NCS1: variants seen among roughly 807,000 people sequenced by gnomAD.
NCS1 encodes the protein frequenin homolog.
NCS1 carries 6 observed loss-of-function variants against 28.4 expected under a neutral mutation model. The ratio of observed to expected loss-of-function variants is 0.21; its 90% CI spans 0.12 to 0.42. The LOEUF (loss-of-function observed/expected upper bound fraction) is 0.42. Ranked by LOEUF, NCS1 falls within the 10% of genes least tolerant of loss-of-function variation. The pLI is 1.00. For missense variants in NCS1, 131 were observed against 241.4 expected (o/e 0.54, Z 3.03); for synonymous variants, 86 against 99.3 (o/e 0.87, Z 0.79).
chr9:130,223,285 C>T (rs1554910887), intron 6 of NCS1, 126 bp downstream of exon 6: 18 of 794,900 alleles, frequency 2.3e-5, no homozygotes, highest in South Asian at 4.9e-5. Context: ...GCAGGCGGCA[C>T]GGTGTCCTAT....
intron 1 of NCS1, among the ~76,000 whole-genome samples, chr9:130,176,003 G>C (rs1832558348): frequency 6.6e-6 from 1 of 152,194 alleles, no homozygotes; most frequent in Admixed American, 6.5e-5. Flanking sequence ...TGCAAAATAG[G>C]TGTGCTCATG....
intron 2 of NCS1, among the ~76,000 whole-genome samples, chr9:130,212,587 T>C (rs1280346120): frequency 6.6e-6 from 1 of 150,748 alleles, no homozygotes; most frequent in Non-Finnish European, 1.5e-5. Flanking sequence ...CACAACAGGT[T>C]AGTGCCAGGC....
At chr9:130,174,379 G>C (rs931222888) in intron 1 of NCS1, among the ~76,000 whole-genome samples, 5 of 152,186 alleles carry the variant, frequency 3.3e-5, no homozygotes, top group Non-Finnish European at 5.9e-5. Context: ...GCTCTACCAG[G>C]CTGGGTGCTG....
chr9:130,187,267 G>A (rs1030966043), intron 1 of NCS1, among the ~76,000 whole-genome samples: 26 of 152,168 alleles, frequency 1.7e-4, no homozygotes, highest in African/African-American at 5.8e-4. Context: ...ATGTGTCCGA[G>A]TCTGTGCCTC....
At chr9:130,190,536 G>A (rs1354571315) in intron 1 of NCS1, among the ~76,000 whole-genome samples, 4 of 152,186 alleles carry the variant, frequency 2.6e-5, no homozygotes, top group East Asian at 1.9e-4. Flanking sequence ...ATGTCAGTGC[G>A]ACTTGATCTG....
At chr9:130,222,814 C>T (rs1833351533) in intron 5 of NCS1, 76 bp downstream of exon 5, 1 of 1,457,126 alleles carries the variant, frequency 6.9e-7, no homozygotes, top group African/African-American at 1.4e-5. Flanking sequence ...AGAGAGAGCA[C>T]TTGTGCAGCC....
chr9:130,221,441 GAGAGAGAGAGAA>G (rs1554910440), intron 4 of NCS1, among the ~76,000 whole-genome samples: 1 of 135,416 alleles, frequency 7.4e-6, no homozygotes, highest in African/African-American at 2.7e-5. Flanking sequence ...GAGAGAGAGA[GAGAGAGAGAGAA>G]AGAGAGAGTC....
Position 130,233,918 on chromosome 9 carries a change from G to T in NCS1, c.*946G>T, listed in dbSNP as rs564128328. On this transcript the variant is annotated 3_prime_UTR_variant, in exon 8 of 8. Coordinates refer to ENST00000372398, the MANE Select transcript of NCS1 (RefSeq NM_014286.4). This position sits in a 1 kb window ranked among gnomAD's most constrained non-coding sequence, Gnocchi z 4.8. ...TCCTGCCAAACCCCTTTTCCCTGCT[G>T]CCTCTGTCCCCGCATCCTTGTTCTC... The T allele has an allele frequency of 1.3e-5, 2 of 152,176 alleles. No homozygotes were observed. Among genetic ancestry groups the T allele is most frequent in the Non-Finnish European group, 2.9e-5 (2 of 68,074 alleles). The allele number at this position is 152,176 out of a possible 1,614,324, so 9.4% of individuals were successfully genotyped here.
intron 1 of NCS1, among the ~76,000 whole-genome samples, chr9:130,196,740 CA>C (rs1230919076): frequency 3.3e-5 from 5 of 150,008 alleles, no homozygotes; most frequent in African/African-American, 9.8e-5. Context: ...GGAGACTCCT[CA>C]AAAAAAAAGA....
At chr9:130,207,129 C>T (rs782630343) in intron 2 of NCS1, among the ~76,000 whole-genome samples, 7 of 152,360 alleles carry the variant, frequency 4.6e-5, no homozygotes, top group Middle Eastern at 3.4e-3. Flanking sequence ...CCTGGCCACA[C>T]GGGTCCGAGC....
At chr9:130,206,997 T>G (rs781805572) in intron 2 of NCS1, among the ~76,000 whole-genome samples, 44 of 152,264 alleles carry the variant, frequency 2.9e-4, no homozygotes, top group Non-Finnish European at 4.3e-4. Context: ...ATCACATGTG[T>G]GGGGCTCCCC....
intron 1 of NCS1, among the ~76,000 whole-genome samples, chr9:130,174,844 G>A (rs377130830): frequency 1.4e-5 from 2 of 146,932 alleles, no homozygotes; most frequent in African/African-American, 5.1e-5. Flanking sequence ...TTTGCTAGAA[G>A]CCCATGATGG....
At chr9:130,199,187 G>A (rs537860170) in intron 1 of NCS1, among the ~76,000 whole-genome samples, 6 of 151,752 alleles carry the variant, frequency 4.0e-5, no homozygotes, top group South Asian at 2.1e-4. Flanking sequence ...TCCGCCTCCC[G>A]GGTTCAAGCG....
intron 1 of NCS1, among the ~76,000 whole-genome samples, chr9:130,184,242 C>T (rs1832710325): frequency 6.6e-6 from 1 of 152,194 alleles, no homozygotes; most frequent in South Asian, 2.1e-4. Context: ...CTCTGCAGAA[C>T]TGGGAGAGGG....
chr9:130,196,008 A>T (rs1244652169), intron 1 of NCS1, among the ~76,000 whole-genome samples: 1 of 151,992 alleles, frequency 6.6e-6, no homozygotes, highest in Non-Finnish European at 1.5e-5. Context: ...AGGCTCTGGG[A>T]GGAGGGGGAA....
chr9:130,175,431 G>A lies in NCS1; in HGVS notation c.64+2704G>A, dbSNP rs78236410. On this transcript the variant is annotated intron_variant, in intron 1 of 7. Transcript: ENST00000372398. This position sits in a 1 kb window ranked among gnomAD's most constrained non-coding sequence, Gnocchi z 4.9. Reference sequence around the variant, plus strand: ...ATGAAGGTACCTGGGCTGCCCTCCCGGATTTCCGATTCTTTAGGTCTGGCT... The same window carrying A: ...ATGAAGGTACCTGGGCTGCCCTCCCAGATTTCCGATTCTTTAGGTCTGGCT... Among the ~76,000 whole-genome samples the A allele has an allele frequency of 0.049, 7,472 of 152,220 alleles. 239 individuals are homozygous for A. Among genetic ancestry groups the A allele is most frequent in the Admixed American group, 0.087 (1,337 of 15,294 alleles).
At chr9:130,173,837 C>T (rs1379380709) in intron 1 of NCS1, among the ~76,000 whole-genome samples, 3 of 152,178 alleles carry the variant, frequency 2.0e-5, no homozygotes, top group Admixed American at 6.5e-5. Flanking sequence ...CTCCCCGCTT[C>T]CCCCCACTCC....
At chr9:130,227,038 A>G (rs550204665) in intron 7 of NCS1, among the ~76,000 whole-genome samples, 2 of 151,186 alleles carry the variant, frequency 1.3e-5, no homozygotes, top group East Asian at 3.9e-4. Context: ...AAAAAAAAAA[A>G]AGAAAAGAAA....
At chr9:130,213,470 G>A (rs192858345) in intron 2 of NCS1, among the ~76,000 whole-genome samples, 5 of 151,900 alleles carry the variant, frequency 3.3e-5, no homozygotes, top group Admixed American at 1.3e-4. Flanking sequence ...TAGTAGAGAC[G>A]GGGTTTCACC....
Sources: gnomAD v4.1 joint callset for allele counts (sites outside exome capture counted in the v4.1 genomes callset) on GRCh38, gnomAD v4.1.1 for gene constraint, Gnocchi (gnomAD v3.1) non-coding constraint, MANE v1.5 for transcripts, NCBI Gene and HGNC (gene_info 2026-07-23, HGNC 2026-07-21) for gene names.